The following PSMG4 variants were observed in gnomAD, a reference collection of about 807,000 sequenced individuals.
PSMG4 encodes proteasome (prosome, macropain) assembly chaperone 4.
In PSMG4, 10 loss-of-function variants were observed where a neutral mutation model predicts 11.0. The ratio of observed to expected loss-of-function variants is 0.91; its 90% CI spans 0.56 to 1.54. PSMG4 has a LOEUF of 1.54. Among genes scored for constraint, PSMG4 ranks in the 40% most tolerant of loss-of-function variants. The pLI is 0.00. For missense variants in PSMG4, 198 were observed against 160.9 expected (o/e 1.23, Z -1.25); for synonymous variants, 95 against 71.3 (o/e 1.33, Z -1.68).
At chr6:3,255,189 A>G, upstream of PSMG4, 1 of 1,550,552 alleles carries the variant, frequency 6.4e-7, no homozygotes, top group Non-Finnish European at 8.7e-7. Flanking sequence ...GCTCTGGTGG[A>G]AGTAGGATGT....
upstream of PSMG4, among the ~76,000 whole-genome samples, chr6:3,254,578 A>G (rs796417739): frequency 4.4e-4 from 67 of 151,532 alleles, no homozygotes; most frequent in African/African-American, 1.6e-3. Flanking sequence ...GAGGCTGGGA[A>G]CCCAACGATG....
upstream of PSMG4, among the ~76,000 whole-genome samples, chr6:3,255,905 A>G (rs1195458676): frequency 2.7e-5 from 4 of 149,634 alleles, no homozygotes; most frequent in Non-Finnish European, 6.0e-5. Context: ...GATAGAAAAC[A>G]CATTTGCTGC....
chr6:3,255,086 GA>G (rs1757709536), upstream of PSMG4: 2 of 1,550,834 alleles, frequency 1.3e-6, no homozygotes, highest in Non-Finnish European at 1.7e-6. Context: ...CTATTCCTAA[GA>G]AGTTGGCTGC....
At position 3,263,747 on chromosome 6, in the gene PSMG4, G is replaced by T. The variant is rs1461313121; in HGVS notation, c.238G>T (p.Ala80Ser). Residue 80 changes from alanine (A) to serine (S), a missense_variant, in exon 2 of 3, where the codon GCC becomes TCC. Transcript: ENST00000438998. ...TTCCGACACGACCTCTACTGGCCTT[G>T]CCCAGCGCCTAGGTATGTACCCACA... ...DTSDTTSTGL[A>S]QRLARKTNKQ... The T allele has an allele frequency of 1.2e-5, 18 of 1,551,294 alleles. No homozygotes were observed. The highest frequency in any genetic ancestry group is 1.3e-5 in the Non-Finnish European group (15 of 1,146,776).
chr6:3,267,745 T>C lies in PSMG4; in HGVS notation c.*33T>C, dbSNP rs752880702. The C allele has an allele frequency of 9.7e-6, 15 of 1,545,242 alleles. No individual in the cohort carries two copies. The highest frequency in any genetic ancestry group is 5.5e-5 in the African/African-American group (4 of 72,830). ...GCAGAAGTGAGAATTTGTAAACTTATGTACAATGTACGTGTAAATAAATGG... is the reference window on the plus strand; with the variant it reads ...GCAGAAGTGAGAATTTGTAAACTTACGTACAATGTACGTGTAAATAAATGG... On this transcript the variant is annotated 3_prime_UTR_variant, in exon 3 of 3. Coordinates refer to ENST00000438998, the MANE Select transcript of PSMG4 (RefSeq NM_001128591.2).
chr6:3,255,266 G>A (rs1227266613), upstream of PSMG4: 17 of 1,545,458 alleles, frequency 1.1e-5, no homozygotes, highest in African/African-American at 2.7e-5. Flanking sequence ...GTGTTACCAC[G>A]GCTGTCTTAC....
At chr6:3,266,040 T>C (rs1203421222) in intron 2 of PSMG4, 2 of 152,024 alleles carry the variant, frequency 1.3e-5, no homozygotes, top group Non-Finnish European at 2.9e-5. Flanking sequence ...CATAGGTGTG[T>C]TGGCTGCTTT....
At chr6:3,264,496 T>C in intron 2 of PSMG4, 6 of 1,263,770 alleles carry the variant, frequency 4.7e-6, no homozygotes, top group Non-Finnish European at 6.3e-6. Flanking sequence ...AGCAGGAACC[T>C]CTGTGTCAGT....
chr6:3,267,728 GA>G lies in PSMG4; in HGVS notation c.*17del, dbSNP rs1561845647. 6.4e-7 allele frequency: 1 copy of G among 1,550,972 alleles called. No homozygotes were observed. The highest frequency in any genetic ancestry group is 1.4e-5 in the African/African-American group (1 of 73,120). ...AAAGTTCTAGCTGAGTGGCAGAAGT[GA>G]GAATTTGTAAACTTATGTACAATGT... On this transcript the variant is annotated 3_prime_UTR_variant, in exon 3 of 3. Coordinates refer to ENST00000438998, the MANE Select transcript of PSMG4 (RefSeq NM_001128591.2).
At position 3,259,122 on chromosome 6, in the gene PSMG4, A is replaced by G; in HGVS notation, c.100A>G (p.Thr34Ala). ...GGTCCACTTCCACGTCATGCGGCTGACGGACTCGCTGTTCCTGTGGGTGGG... is the reference window on the plus strand; with the variant it reads ...GGTCCACTTCCACGTCATGCGGCTGGCGGACTCGCTGTTCCTGTGGGTGGG... ...QLVHFHVMRL[T>A]DSLFLWVGAT... is the part of the protein sequence containing the mutation. The change falls in exon 1 of 3, where the codon ACG becomes GCG. Residue 34 changes from threonine (T) to alanine (A), a missense_variant. By Grantham distance (58) the Thr-to-Ala change is moderately conservative. Transcript: ENST00000438998. 7.8e-7 allele frequency: 1 copy of G among 1,283,500 alleles called. No homozygotes were observed. The highest frequency in any genetic ancestry group is 9.9e-7 in the Non-Finnish European group (1 of 1,013,676). The allele number at this position is 1,283,500 out of a possible 1,614,324, so 79.5% of individuals were successfully genotyped here. A position where few individuals can be genotyped will look rare whatever the true frequency, so the allele number is the denominator to read the frequency against.
At chr6:3,261,186 G>A (rs537996959) in intron 1 of PSMG4, among the ~76,000 whole-genome samples, 2 of 152,244 alleles carry the variant, frequency 1.3e-5, no homozygotes, top group African/African-American at 4.8e-5. Flanking sequence ...GAAGGCCTTG[G>A]GAAGGAGATG....
At chr6:3,256,138 G>C (rs186843622), upstream of PSMG4, among the ~76,000 whole-genome samples, 7 of 152,298 alleles carry the variant, frequency 4.6e-5, no homozygotes, top group East Asian at 1.3e-3. Flanking sequence ...TCCTCCCCAG[G>C]ATGGAATACT....
chr6:3,266,065 T>G (rs999140711), intron 2 of PSMG4: 1 of 152,062 alleles, frequency 6.6e-6, no homozygotes, highest in African/African-American at 2.4e-5. Flanking sequence ...GGACAGTCAG[T>G]GAGTTAATAC....
intron 2 of PSMG4, chr6:3,264,017 A>C (rs1277888489): frequency 3.1e-5 from 42 of 1,346,486 alleles, no homozygotes; most frequent in Non-Finnish European, 4.0e-5. Context: ...CCTTGAGTCC[A>C]TGAGCTGATT....
chr6:3,265,416 A>G, intron 2 of PSMG4: 1 of 152,394 alleles, frequency 6.6e-6, no homozygotes, highest in Non-Finnish European at 1.5e-5. Flanking sequence ...GGTGTGGCCA[A>G]GGGGACCCAA....
Position 3,267,334 on chromosome 6 carries a change from C to T in PSMG4, c.251-257C>T, listed in dbSNP as rs1375580116. On this transcript the variant is annotated intron_variant, in intron 2 of 2. Transcript: ENST00000438998. ...TGGGTGGGGCCCAGCAGCTGCCTCT[C>T]GAACAAGTTCCAGGGAGGCTGCTGA... The T allele has an allele frequency of 4.5e-5, 14 of 310,906 alleles. No homozygotes were observed. In the South Asian group the frequency reaches 5.1e-4, roughly 11 times the overall value. The allele number at this position is 310,906 out of a possible 1,614,324, so 19.3% of individuals were successfully genotyped here. A position where few individuals can be genotyped will look rare whatever the true frequency, so the allele number is the denominator to read the frequency against.
intron 1 of PSMG4, among the ~76,000 whole-genome samples, chr6:3,263,304 G>T (rs981684176): frequency 3.9e-5 from 6 of 152,236 alleles, no homozygotes; most frequent in Non-Finnish European, 7.3e-5. Flanking sequence ...CAGTGCACAG[G>T]TGCCCCGACT....
At chr6:3,264,016 C>A in intron 2 of PSMG4, 7 of 1,342,886 alleles carry the variant, frequency 5.2e-6, no homozygotes, top group Non-Finnish European at 6.9e-6. Flanking sequence ...TCCTTGAGTC[C>A]ATGAGCTGAT....
At chr6:3,254,845 CTT>C (rs748020466), upstream of PSMG4, among the ~76,000 whole-genome samples, 13 of 152,200 alleles carry the variant, frequency 8.5e-5, no homozygotes, top group East Asian at 7.7e-4. Context: ...TTAGAAAACA[CTT>C]TAACTCAGGG....
Sources: allele counts gnomAD v4.1 joint callset (sites outside exome capture counted in the v4.1 genomes callset), GRCh38; gene constraint gnomAD v4.1.1; transcripts MANE v1.5; gene names NCBI Gene and HGNC (gene_info 2026-07-23, HGNC 2026-07-21).